Variants in PCDH15 observed in about 807,000 individuals in gnomAD.
PCDH15 encodes protocadherin related 15.
In PCDH15, 129 loss-of-function variants were observed where a neutral mutation model predicts 178.5. That is an observed-to-expected ratio of 0.72 (90% CI 0.63 to 0.84). The LOEUF is 0.84. Among genes scored for constraint, PCDH15 ranks in the 40% least tolerant of loss-of-function variants. The pLI, the probability that PCDH15 is intolerant of heterozygous loss-of-function variation, is 0.00. For synonymous variants in PCDH15, 800 were observed against 732.0 expected (o/e 1.09, Z -1.50); for missense variants, 2,230 against 2,099.9 (o/e 1.06, Z -1.21).
chr10:54,865,704 C>T (rs1248907554), intron 3 of PCDH15, among the ~76,000 whole-genome samples: 1 of 151,654 alleles, frequency 6.6e-6, no homozygotes, highest in Non-Finnish European at 1.5e-5. Flanking sequence ...AGACAAAAAT[C>T]AAAGCTAGAC....
At chr10:55,239,852 A>T (rs904144952) in intron 1 of PCDH15, among the ~76,000 whole-genome samples, 1 of 152,192 alleles carries the variant, frequency 6.6e-6, no homozygotes. Flanking sequence ...AAAATAAAAT[A>T]ATCTGACTAT....
chr10:54,401,024 G>T (rs1360097390), intron 3 of PCDH15, among the ~76,000 whole-genome samples: 1 of 151,860 alleles, frequency 6.6e-6, no homozygotes, highest in South Asian at 2.1e-4. Context: ...TTAAATGCAG[G>T]ACATGTATTT....
At chr10:54,808,275 TC>T (rs1442792866) in intron 3 of PCDH15, among the ~76,000 whole-genome samples, 3 of 152,202 alleles carry the variant, frequency 2.0e-5, no homozygotes, top group African/African-American at 7.2e-5. Context: ...TTTTGCATTC[TC>T]CTCCAAAAGC....
chr10:55,398,864 T>C (rs1039760065), intron 2 of PCDH15, among the ~76,000 whole-genome samples: 3 of 151,964 alleles, frequency 2.0e-5, no homozygotes, highest in Admixed American at 2.0e-4. Flanking sequence ...AATAAAATAA[T>C]AGATAAACTA....
chr10:55,403,399 TTC>T (rs1394766552), intron 2 of PCDH15, among the ~76,000 whole-genome samples: 65 of 149,706 alleles, frequency 4.3e-4, no homozygotes, highest in African/African-American at 1.6e-3. Flanking sequence ...TGCCTTTTTT[TTC>T]TTTTTATTAC....
chr10:54,172,225 T>TTAAG (rs2046984625), intron 13 of PCDH15, among the ~76,000 whole-genome samples: 1 of 152,130 alleles, frequency 6.6e-6, no homozygotes, highest in African/African-American at 2.4e-5. Flanking sequence ...AGTCCTTGCC[T>TTAAG]TAAGTGATGA....
chr10:54,056,423 C>T (rs2093888536), intron 18 of PCDH15, among the ~76,000 whole-genome samples: 2 of 152,128 alleles, frequency 1.3e-5, no homozygotes, highest in African/African-American at 4.8e-5. Context: ...GCAATCATGG[C>T]AGAAGGTGAA....
At chr10:53,994,172 G>T (rs1754858465) in intron 21 of PCDH15, among the ~76,000 whole-genome samples, 1 of 152,164 alleles carries the variant, frequency 6.6e-6, no homozygotes, top group Non-Finnish European at 1.5e-5. Flanking sequence ...TGAATGCCAA[G>T]CCAGGCACCA....
chr10:54,345,076 A>G (rs1353414960), intron 6 of PCDH15, among the ~76,000 whole-genome samples: 2 of 151,366 alleles, frequency 1.3e-5, no homozygotes, highest in Non-Finnish European at 2.9e-5. Context: ...GTATACTGAA[A>G]CTGGATTTTA....
At chr10:54,092,188 T>G (rs1279444340) in intron 15 of PCDH15, among the ~76,000 whole-genome samples, 1 of 152,168 alleles carries the variant, frequency 6.6e-6, no homozygotes, top group Non-Finnish European at 1.5e-5. Flanking sequence ...GGGCTCACTC[T>G]TACATTCCAA....
intron 2 of PCDH15, among the ~76,000 whole-genome samples, chr10:55,543,871 T>C (rs969257348): frequency 1.3e-5 from 2 of 151,502 alleles, no homozygotes; most frequent in African/African-American, 2.4e-5. Flanking sequence ...AATTTCTGTG[T>C]TCCTTCCTTC....
intron 14 of PCDH15, among the ~76,000 whole-genome samples, chr10:54,134,308 G>A (rs1305910291): frequency 1.1e-5 from 1 of 89,486 alleles, no homozygotes; most frequent in Admixed American, 1.2e-4. Flanking sequence ...CTCCCAAAGT[G>A]CTGGGATAAC....
chr10:54,677,976 A>T (rs1024768976), intron 1 of PCDH15, among the ~76,000 whole-genome samples: 2 of 152,188 alleles, frequency 1.3e-5, no homozygotes, highest in African/African-American at 4.8e-5. Context: ...ACTTTAGAGT[A>T]TCTTCCTGCC....
chr10:54,038,696 C>T (rs1292296345), intron 18 of PCDH15, among the ~76,000 whole-genome samples: 2 of 151,920 alleles, frequency 1.3e-5, no homozygotes, highest in African/African-American at 4.8e-5. Flanking sequence ...ATCCCTACAT[C>T]ACTCCAAAAA....
intron 2 of PCDH15, among the ~76,000 whole-genome samples, chr10:55,109,792 T>C (rs1274087350): frequency 1.3e-5 from 2 of 152,068 alleles, no homozygotes; most frequent in Non-Finnish European, 2.9e-5. Flanking sequence ...TATACATATA[T>C]GGAATAAAGA....
chr10:54,597,693 G>C (rs1163798686), intron 2 of PCDH15, among the ~76,000 whole-genome samples: 1 of 152,022 alleles, frequency 6.6e-6, no homozygotes, highest in Non-Finnish European at 1.5e-5. Context: ...AACGAAGCCA[G>C]GAGTTGACTT....
chr10:55,515,348 C>A (rs1198051831), intron 2 of PCDH15, among the ~76,000 whole-genome samples: 1 of 151,866 alleles, frequency 6.6e-6, no homozygotes, highest in East Asian at 2.0e-4. Context: ...TACTAAATAC[C>A]CCTTTGTATT....
chr10:54,263,799 T>A (rs1180182455), intron 8 of PCDH15, among the ~76,000 whole-genome samples: 1 of 152,166 alleles, frequency 6.6e-6, no homozygotes, highest in Non-Finnish European at 1.5e-5. Context: ...CAAAATATTG[T>A]TCCTGGGTGT....
rs201605964 is a variant in PCDH15, at chr10:53,855,886, T to TA, written c.3806+1288dup. Among the ~76,000 whole-genome samples, 907 of 95,098 alleles carry TA rather than the reference T, an allele frequency of 9.5e-3. 13 individuals are homozygous for TA. Among genetic ancestry groups the TA allele is most frequent in the African/African-American group, 0.045 (774 of 17,088 alleles). The allele number at this position is 95,098 out of a possible 152,430, so 62.4% of individuals were successfully genotyped here. On this transcript the variant is annotated intron_variant, in intron 28 of 37. Coordinates refer to ENST00000644397, the MANE Select transcript of PCDH15 (RefSeq NM_001384140.1). The stretch of plus-strand genomic sequence containing the variant: ...CACATGTATCCCGGAACTTAAAAGT[T>TA]AAAAAAAAAGGTGATATGTATATAT...
Sources: allele counts gnomAD v4.1 joint callset (sites outside exome capture counted in the v4.1 genomes callset), GRCh38; gene constraint gnomAD v4.1.1; transcripts MANE v1.5; gene names NCBI Gene and HGNC (gene_info 2026-07-23, HGNC 2026-07-21).